The following GLIS1 variants were observed in gnomAD, a reference collection of about 807,000 sequenced individuals.
GLIS1 encodes zinc finger protein GLIS1.
A neutral mutation model predicts 63.8 loss-of-function variants in GLIS1; 24 were observed. The observed-to-expected ratio is 0.38, with a 90% confidence interval of 0.27 to 0.53. The LOEUF (loss-of-function observed/expected upper bound fraction) is 0.53. Ranked by LOEUF, GLIS1 falls within the 20% of genes least tolerant of loss-of-function variation. The pLI, the probability that GLIS1 is intolerant of heterozygous loss-of-function variation, is 0.85. For synonymous variants in GLIS1, 450 were observed against 482.5 expected (o/e 0.93, Z 0.88); for missense variants, 1,036 against 1,074.1 (o/e 0.96, Z 0.50).
intron 3 of GLIS1, among the ~76,000 whole-genome samples, chr1:53,597,352 G>A (rs1221085204): frequency 1.4e-5 from 2 of 146,332 alleles, no homozygotes; most frequent in South Asian, 2.2e-4. Flanking sequence ...CAGCCTGGGC[G>A]ACACAGCGAG....
chr1:53,735,748 A>G (rs746759331), intron 2 of GLIS1, among the ~76,000 whole-genome samples: 11 of 152,038 alleles, frequency 7.2e-5, no homozygotes, highest in Non-Finnish European at 1.5e-4. Context: ...AAAGGGTTAC[A>G]TGGTCTGGGA....
chr1:53,737,292 G>C (rs1646921410), intron 2 of GLIS1, among the ~76,000 whole-genome samples: 1 of 152,236 alleles, frequency 6.6e-6, no homozygotes, highest in South Asian at 2.1e-4. Flanking sequence ...GACTAGGCTG[G>C]ATTGCTGATG....
chr1:53,717,056 A>C (rs1230268728), intron 2 of GLIS1, among the ~76,000 whole-genome samples: 1 of 152,232 alleles, frequency 6.6e-6, no homozygotes, highest in Non-Finnish European at 1.5e-5. Flanking sequence ...TTGGACTTTC[A>C]GCAGCAATGT....
At chr1:53,732,360 G>A (rs1646870578) in intron 2 of GLIS1, among the ~76,000 whole-genome samples, 1 of 152,182 alleles carries the variant, frequency 6.6e-6, no homozygotes, top group Admixed American at 6.5e-5. Context: ...TTATAAATAT[G>A]GCTTTGGGAG....
intron 7 of GLIS1, among the ~76,000 whole-genome samples, chr1:53,518,889 G>A (rs910149249): frequency 6.6e-6 from 1 of 152,246 alleles, no homozygotes; most frequent in African/African-American, 2.4e-5. Context: ...CAGGCTTGCA[G>A]CCTGGACTGG....
intron 4 of GLIS1, among the ~76,000 whole-genome samples, chr1:53,592,744 A>G (rs966718215): frequency 2.6e-5 from 4 of 152,220 alleles, no homozygotes; most frequent in African/African-American, 9.6e-5. Context: ...CACACACCAG[A>G]ATGCTAACCA....
rs141519241 is a variant in GLIS1, at chr1:53,597,850, G to A, written c.437+2251C>T. ...TTCTACACACAGACTCTCCTGTGCCGTAAATTGTCAAAATGATATTCAAAA... is the reference window on the plus strand; with the variant it reads ...TTCTACACACAGACTCTCCTGTGCCATAAATTGTCAAAATGATATTCAAAA... On this transcript the variant is annotated intron_variant, in intron 3 of 10. Coordinates refer to ENST00000628545, the MANE Select transcript of GLIS1 (RefSeq NM_001367484.1). 3.2e-3 allele frequency among the ~76,000 whole-genome samples: 483 copies of A among 152,186 alleles called. 1 individual carries two copies. The highest frequency in any genetic ancestry group is 5.4e-3 in the Non-Finnish European group (364 of 68,002).
intron 2 of GLIS1, among the ~76,000 whole-genome samples, chr1:53,621,230 C>A (rs1163179243): frequency 6.6e-6 from 1 of 152,238 alleles, no homozygotes; most frequent in Non-Finnish European, 1.5e-5. Context: ...GGCACACAGT[C>A]CATAAAGGGT....
intron 2 of GLIS1, among the ~76,000 whole-genome samples, chr1:53,614,471 G>A (rs1645458136): frequency 6.6e-6 from 1 of 152,130 alleles, no homozygotes; most frequent in South Asian, 2.1e-4. Context: ...CAAGCAAGGT[G>A]ACGGAGGCAG....
intron 4 of GLIS1, among the ~76,000 whole-genome samples, chr1:53,540,918 C>T (rs935499187): frequency 6.6e-6 from 1 of 152,252 alleles, no homozygotes; most frequent in Non-Finnish European, 1.5e-5. Flanking sequence ...AGGCAAAGCT[C>T]CCTGTCTTGA....
chr1:53,732,569 C>T (rs1570117264), intron 2 of GLIS1, among the ~76,000 whole-genome samples: 2 of 151,788 alleles, frequency 1.3e-5, no homozygotes, highest in South Asian at 2.1e-4. Flanking sequence ...ACAGTGAAGG[C>T]GAGCAGCACA....
chr1:53,568,479 T>C (rs1461613779), intron 4 of GLIS1, among the ~76,000 whole-genome samples: 1 of 152,164 alleles, frequency 6.6e-6, no homozygotes, highest in South Asian at 2.1e-4. Flanking sequence ...TGGGGGACTA[T>C]TGGGAAGGCG....
intron 2 of GLIS1, among the ~76,000 whole-genome samples, chr1:53,641,561 C>T (rs1645787330): frequency 6.6e-6 from 1 of 152,172 alleles, no homozygotes; most frequent in African/African-American, 2.4e-5. Flanking sequence ...CCCTTGGGCT[C>T]ATCACCTGAA....
At chr1:53,683,353 C>G (rs61325526) in intron 2 of GLIS1, among the ~76,000 whole-genome samples, 2,698 of 152,238 alleles carry the variant, frequency 0.018, 26 homozygotes, top group Admixed American at 0.031. Flanking sequence ...CTGAGCCCCC[C>G]CAACCAAAGG....
chr1:53,734,059 T>TC lies in GLIS1; in HGVS notation c.259+3746dup, dbSNP rs537581717. The TC allele has an allele frequency of 8.3e-4, 811 of 980,776 alleles. No individual in the cohort carries two copies. In the South Asian group the frequency reaches 0.014, roughly 17 times the overall value. The allele number at this position is 980,776 out of a possible 1,614,324, so 60.8% of individuals were successfully genotyped here. On this transcript the variant is annotated intron_variant, in intron 2 of 10. Coordinates refer to ENST00000628545, the MANE Select transcript of GLIS1 (RefSeq NM_001367484.1). ...CGAGTCCATGCGCACAATCTACAAT[T>TC]CCTTTTTTTTTTTTTTCAAGTTACA... is the stretch of plus-strand genomic sequence containing the variant.
intron 4 of GLIS1, among the ~76,000 whole-genome samples, chr1:53,552,067 CA>C (rs1405358843): frequency 6.6e-6 from 1 of 152,076 alleles, no homozygotes; most frequent in African/African-American, 2.4e-5. Context: ...CCCCCAGATC[CA>C]GTCACATAAA....
intron 2 of GLIS1, among the ~76,000 whole-genome samples, chr1:53,683,793 A>C (rs1311347220): frequency 6.6e-6 from 1 of 152,086 alleles, no homozygotes; most frequent in Non-Finnish European, 1.5e-5. Context: ...CCTCAAGCAC[A>C]CAGTGGGTGG....
chr1:53,663,216 C>A (rs550693176), intron 2 of GLIS1, among the ~76,000 whole-genome samples: 2 of 152,350 alleles, frequency 1.3e-5, no homozygotes, highest in African/African-American at 4.8e-5. Context: ...CCTCCCACAG[C>A]CAGGTGAATA....
At position 53,594,554 on chromosome 1, in the gene GLIS1, A is replaced by G. The variant is rs144235122; in HGVS notation, c.874T>C (p.Ser292Pro). The stretch of plus-strand genomic sequence containing the variant: ...GCAGGGCCAGGCCGGGCCCGCTTGG[A>G]AGGGCCCCCCAGATCTCCCGTCAGA... ...PPLTGDLGGP[S>P]KRARPGPAST... is the part of the protein sequence containing the mutation. The change falls in exon 4 of 11, where the codon TCC becomes CCC. Residue 292 changes from serine to proline, a missense_variant. Around this residue, in one of 3 missense-constraint regions of GLIS1, gnomAD observed 592 missense variants for 593.9 expected, o/e 1.00. Coordinates refer to ENST00000628545, the MANE Select transcript of GLIS1 (RefSeq NM_001367484.1). 1.4e-5 allele frequency: 23 copies of G among 1,602,318 alleles called. No homozygotes were observed. Among genetic ancestry groups the G allele is most frequent in the Non-Finnish European group, 2.0e-5 (23 of 1,171,560 alleles).
Sources: allele counts gnomAD v4.1 joint callset (sites outside exome capture counted in the v4.1 genomes callset), GRCh38; gene constraint gnomAD v4.1.1; regional missense constraint gnomAD v4.1.1; transcripts MANE v1.5; gene names NCBI Gene and HGNC (gene_info 2026-07-23, HGNC 2026-07-21).